The following OPCML variants were observed in gnomAD, a reference collection of about 807,000 sequenced individuals.
OPCML encodes opioid binding protein/cell adhesion molecule like, also known as opioid-binding protein/cell adhesion molecule.
Under a neutral mutation model 37.8 loss-of-function variants are expected in OPCML, and 13 were observed. The ratio of observed to expected loss-of-function variants is 0.34; its 90% confidence interval spans 0.22 to 0.55. The LOEUF (loss-of-function observed/expected upper bound fraction) is 0.55, where lower values mean the gene tolerates loss of function less well. Among genes scored for constraint, OPCML ranks in the 20% least tolerant of loss-of-function variants. OPCML has a pLI of 0.91. For synonymous variants in OPCML, 176 were observed against 168.8 expected (o/e 1.04, Z -0.33); for missense variants, 341 against 435.6 (o/e 0.78, Z 1.93).
chr11:132,822,145 A>G (rs937510992), intron 2 of OPCML, among the ~76,000 whole-genome samples: 6 of 151,862 alleles, frequency 4.0e-5, no homozygotes, highest in African/African-American at 1.2e-4. Flanking sequence ...ACTCCCTGGG[A>G]CTCCACTAGA....
chr11:133,359,091 C>T (rs1430148224), intron 1 of OPCML, among the ~76,000 whole-genome samples: 1 of 152,130 alleles, frequency 6.6e-6, no homozygotes, highest in African/African-American at 2.4e-5. Context: ...ACTTAACTTA[C>T]GGTCCCCAGA....
At chr11:132,840,190 C>T (rs944656625) in intron 2 of OPCML, among the ~76,000 whole-genome samples, 4 of 152,074 alleles carry the variant, frequency 2.6e-5, no homozygotes, top group Admixed American at 6.5e-5. Context: ...AAACTTCTGA[C>T]GGCATTTAGC....
intron 2 of OPCML, among the ~76,000 whole-genome samples, chr11:132,843,314 G>A (rs185331573): frequency 6.6e-6 from 1 of 151,998 alleles, no homozygotes; most frequent in East Asian, 1.9e-4. Context: ...GGTCAGGCTG[G>A]TCTGGAACTC....
chr11:133,443,510 G>A (rs1946406033), intron 1 of OPCML, among the ~76,000 whole-genome samples: 1 of 152,208 alleles, frequency 6.6e-6, no homozygotes, highest in African/African-American at 2.4e-5. Context: ...GTTGAAACAT[G>A]CGCAGCATTG....
rs1267906275 is a variant in OPCML at position 133,443,592 on chromosome 11, T to A, written c.61+88672A>T. 5.9e-5 allele frequency among the ~76,000 whole-genome samples: 9 copies of A among 152,222 alleles called. No individual in the cohort carries two copies. In the South Asian group the frequency reaches 1.2e-3, roughly 21 times the overall value. On this transcript the variant is annotated intron_variant, in intron 1 of 7. Coordinates refer to ENST00000524381, the MANE Select transcript of OPCML (RefSeq NM_001012393.5). ...GCCCCATTGTACATTAGTAACCAGG[T>A]TACTTCACCCCTTCATTGCTGCAGT...
chr11:133,200,805 G>A (rs188830401), intron 1 of OPCML, among the ~76,000 whole-genome samples: 5 of 152,112 alleles, frequency 3.3e-5, no homozygotes, highest in African/African-American at 1.2e-4. Context: ...AATATAAATT[G>A]TTCTACCATA....
At chr11:133,104,006 C>G (rs1949122530) in intron 1 of OPCML, among the ~76,000 whole-genome samples, 1 of 152,168 alleles carries the variant, frequency 6.6e-6, no homozygotes, top group Admixed American at 6.5e-5. Flanking sequence ...TTTTCCTTCC[C>G]TTTTAATCTT....
intron 2 of OPCML, among the ~76,000 whole-genome samples, chr11:132,775,215 G>T (rs529753137): frequency 1.7e-3 from 261 of 152,320 alleles, no homozygotes; most frequent in Non-Finnish European, 2.6e-3. Context: ...ATGGTAGCTG[G>T]AGCATAAGAG....
At chr11:132,974,700 G>T (rs1946417770) in intron 1 of OPCML, among the ~76,000 whole-genome samples, 1 of 152,110 alleles carries the variant, frequency 6.6e-6, no homozygotes, top group African/African-American at 2.4e-5. Flanking sequence ...ACATGCACAT[G>T]TATGTTTATT....
chr11:132,535,220 A>T (rs1209629874), intron 3 of OPCML, among the ~76,000 whole-genome samples: 2 of 152,160 alleles, frequency 1.3e-5, no homozygotes, highest in Non-Finnish European at 2.9e-5. Flanking sequence ...TAAAAAGTGC[A>T]TATTCAATAA....
intron 1 of OPCML, among the ~76,000 whole-genome samples, chr11:133,192,439 G>A (rs1938362938): frequency 6.6e-6 from 1 of 152,192 alleles, no homozygotes; most frequent in Non-Finnish European, 1.5e-5. Context: ...CCTACTCATA[G>A]ATCCAGAAGG....
rs551663492 is a variant in OPCML at position 132,825,002 on chromosome 11, G to C, written c.146+117924C>G. Among the ~76,000 whole-genome samples the C allele has an allele frequency of 1.5e-3, 226 of 152,278 alleles. 1 individual carries two copies. The highest frequency in any genetic ancestry group is 5.1e-3 in the African/African-American group (210 of 41,562). ...CAGAGAGGGCTTCTCTGATACACAA[G>C]CAAAAGGGGCACTTCATGCTACCTG... On this transcript the variant is annotated intron_variant, in intron 2 of 7. Coordinates refer to ENST00000524381, the MANE Select transcript of OPCML (RefSeq NM_001012393.5).
chr11:132,645,041 T>C lies in OPCML; in HGVS notation c.379+12046A>G, dbSNP rs1218460250. On this transcript the variant is annotated intron_variant, in intron 3 of 7. Coordinates refer to ENST00000524381, the MANE Select transcript of OPCML (RefSeq NM_001012393.5). ...CACATAATCCATCCCATTAAATTGA[T>C]TGCAGCAGGCTGGGTCCCTGCACTT... 2.6e-5 allele frequency among the ~76,000 whole-genome samples: 4 copies of C among 152,234 alleles called. No homozygotes were observed. In the East Asian group the frequency reaches 5.8e-4, roughly 22 times the overall value.
At chr11:133,490,923 C>T (rs1947640645) in intron 1 of OPCML, among the ~76,000 whole-genome samples, 1 of 152,208 alleles carries the variant, frequency 6.6e-6, no homozygotes, top group African/African-American at 2.4e-5. Flanking sequence ...TATTCTTTAA[C>T]TGCCAATCTC....
chr11:132,878,759 T>C (rs1943118585), intron 2 of OPCML, among the ~76,000 whole-genome samples: 1 of 152,182 alleles, frequency 6.6e-6, no homozygotes, highest in South Asian at 2.1e-4. Flanking sequence ...TATCTCCTAT[T>C]GGTTTTATTT....
intron 1 of OPCML, among the ~76,000 whole-genome samples, chr11:132,999,443 T>C (rs1215031374): frequency 6.6e-6 from 1 of 152,054 alleles, no homozygotes; most frequent in Non-Finnish European, 1.5e-5. Context: ...GGTGTGAAAT[T>C]GGCTATTAAA....
chr11:132,948,776 T>C (rs1945799034), intron 1 of OPCML, among the ~76,000 whole-genome samples: 1 of 152,172 alleles, frequency 6.6e-6, no homozygotes, highest in Non-Finnish European at 1.5e-5. Flanking sequence ...GAATTATCGT[T>C]ATGTAGCCAA....
At position 132,911,285 on chromosome 11, in the gene OPCML, T is replaced by C. The variant is rs117730363; in HGVS notation, c.146+31641A>G. Among the ~76,000 whole-genome samples, 257 of 152,354 alleles carry C rather than the reference T, an allele frequency of 1.7e-3. 1 individual carries two copies. The highest frequency in any genetic ancestry group is 2.7e-3 in the Admixed American group (42 of 15,312). ...ACCAGTCATTTGAGCAACAGATATA[T>C]GTCCTAGCTTCTTGAACTGCCAAAT... On this transcript the variant is annotated intron_variant, in intron 2 of 7. Coordinates refer to ENST00000524381, the MANE Select transcript of OPCML (RefSeq NM_001012393.5).
intron 3 of OPCML, among the ~76,000 whole-genome samples, chr11:132,639,218 T>A (rs1394249280): frequency 1.3e-5 from 2 of 152,204 alleles, no homozygotes; most frequent in African/African-American, 4.8e-5. Context: ...GAAAGCTCCT[T>A]TCAGCAGAGA....
Sources: allele counts gnomAD v4.1 joint callset (sites outside exome capture counted in the v4.1 genomes callset), GRCh38; gene constraint gnomAD v4.1.1; transcripts MANE v1.5; gene names NCBI Gene and HGNC (gene_info 2026-07-23, HGNC 2026-07-21).